The following PCDH19 variants were observed in gnomAD, a reference collection of about 807,000 sequenced individuals.
PCDH19 encodes protocadherin 19.
In PCDH19, 6 loss-of-function variants were observed where a neutral mutation model predicts 46.2. That is an observed-to-expected ratio of 0.13 (90% CI 0.07 to 0.26). The LOEUF is 0.26. Among genes scored for constraint, PCDH19 ranks in the 10% least tolerant of loss-of-function variants. The pLI is 1.00. For synonymous variants in PCDH19, 481 were observed against 415.7 expected (o/e 1.16, Z -1.91); for missense variants, 740 against 972.3 (o/e 0.76, Z 3.18).
rs138260442 is a variant in PCDH19 at position 100,362,149 on chromosome X, A to G, written c.2617-11445T>C. ...TTGATGTGTCCTTTCCTTTCCCCAC[A>G]TTGTTCTCAGCTTCCTCCCTCCACA... is the stretch of plus-strand genomic sequence containing the variant. On this transcript the variant is annotated intron_variant, in intron 3 of 5. Coordinates refer to ENST00000373034, the MANE Select transcript of PCDH19 (RefSeq NM_001184880.2). Among the ~76,000 whole-genome samples, 30 of 111,260 alleles carry G rather than the reference A, an allele frequency of 2.7e-4. 1 individual carries two copies. In the East Asian group the frequency reaches 8.5e-3, roughly 32 times the overall value.
At chrX:100,363,744 A>ATATATATTTT in intron 3 of PCDH19, among the ~76,000 whole-genome samples, 1 of 99,720 alleles carries the variant, frequency 1.0e-5, no homozygotes, top group Admixed American at 1.2e-4. Flanking sequence ...ATATATAAAT[A>ATATATATTTT]ATATATATAT....
chrX:100,361,648 C>A (rs1926885749), intron 3 of PCDH19, among the ~76,000 whole-genome samples: 1 of 111,794 alleles, frequency 8.9e-6, no homozygotes, highest in South Asian at 3.7e-4. Flanking sequence ...CCCCTGCTGC[C>A]TTTATGAGCT....
At position 100,327,944 on chromosome X, in the gene PCDH19, C is replaced by A. The variant is rs761680658; in HGVS notation, c.2848+13959G>T. On this transcript the variant is annotated intron_variant, in intron 5 of 5. Coordinates refer to ENST00000373034, the MANE Select transcript of PCDH19 (RefSeq NM_001184880.2). ...TGATGACAATGAAAACTTAAGATAC[C>A]AAAGGGGCTCCAGGTAATGCTGCAA... Among the ~76,000 whole-genome samples, 4 of 111,458 alleles carry A rather than the reference C, an allele frequency of 3.6e-5. No homozygotes were observed. In the South Asian group the frequency reaches 1.5e-3, roughly 42 times the overall value.
intron 5 of PCDH19, among the ~76,000 whole-genome samples, chrX:100,323,095 G>A (rs1925572038): frequency 9.2e-6 from 1 of 109,022 alleles, no homozygotes; most frequent in African/African-American, 3.4e-5. Context: ...TTTGGTCAAT[G>A]GAATTACCAG....
intron 5 of PCDH19, among the ~76,000 whole-genome samples, chrX:100,310,127 C>G (rs1482378640): frequency 1.8e-5 from 2 of 111,958 alleles, no homozygotes; most frequent in African/African-American, 3.2e-5. Context: ...TAGTGCTGAG[C>G]TGGTCAAACA....
rs1045747411 is a variant in PCDH19, at chrX:100,330,524, T to G, written c.2848+11379A>C. ...AGAGTATCAAGTTTCTCCAAATTATTAGAGTACTGTATGTTTACAGATTTC... is the reference window on the plus strand; with the variant it reads ...AGAGTATCAAGTTTCTCCAAATTATGAGAGTACTGTATGTTTACAGATTTC... On this transcript the variant is annotated intron_variant, in intron 5 of 5. Transcript: ENST00000373034. Among the ~76,000 whole-genome samples the G allele has an allele frequency of 2.7e-5, 3 of 112,540 alleles. No individual in the cohort carries two copies. The East Asian group carries it at 8.4e-4, about 31-fold the overall frequency.
intron 5 of PCDH19, among the ~76,000 whole-genome samples, chrX:100,327,125 A>AT (rs1007522026): frequency 3.6e-5 from 4 of 111,989 alleles, no homozygotes; most frequent in African/African-American, 1.3e-4. Context: ...AAGCAAACAG[A>AT]TGAGGGGCTT....
intron 3 of PCDH19, among the ~76,000 whole-genome samples, chrX:100,379,888 A>G (rs767117428): frequency 9.0e-6 from 1 of 111,594 alleles, no homozygotes; most frequent in East Asian, 2.8e-4. Context: ...CACACCACCC[A>G]TTGACATTGG....
rs1218010340 is a variant in PCDH19 at position 100,360,714 on chromosome X, G to T, written c.2617-10010C>A. Among the ~76,000 whole-genome samples the T allele has an allele frequency of 5.4e-5, 6 of 111,779 alleles. No homozygotes were observed. The East Asian group carries it at 1.7e-3, about 31-fold the overall frequency. On this transcript the variant is annotated intron_variant, in intron 3 of 5. Transcript: ENST00000373034. Reference sequence around the variant, plus strand: ...GACTGTAGTAAATAAAGGGCATTTGGCTCTGTTGAAATTATTAGGCACAGA... The same window carrying T: ...GACTGTAGTAAATAAAGGGCATTTGTCTCTGTTGAAATTATTAGGCACAGA...
intron 5 of PCDH19, among the ~76,000 whole-genome samples, chrX:100,320,410 C>A (rs1925438523): frequency 8.9e-6 from 1 of 111,882 alleles, no homozygotes; most frequent in Non-Finnish European, 1.9e-5. Flanking sequence ...TGAATCAGGG[C>A]TTTTCCCCTT....
At chrX:100,334,829 C>CAT (rs1342802002) in intron 5 of PCDH19, among the ~76,000 whole-genome samples, 3 of 84,862 alleles carry the variant, frequency 3.5e-5, no homozygotes, top group Admixed American at 1.5e-4. Flanking sequence ...TAGATATACA[C>CAT]ATATATATAC....
At chrX:100,342,580 G>A (rs1273854340) in intron 4 of PCDH19, among the ~76,000 whole-genome samples, 1 of 111,604 alleles carries the variant, frequency 9.0e-6, no homozygotes, top group Non-Finnish European at 1.9e-5. Context: ...GAGATAACTC[G>A]CCCAAGGTCA....
chrX:100,391,333 A>C (rs1927855997), intron 3 of PCDH19, among the ~76,000 whole-genome samples: 1 of 111,849 alleles, frequency 8.9e-6, no homozygotes, highest in South Asian at 3.8e-4. Flanking sequence ...AAATGAAGCA[A>C]GGTTAGAATA....
chrX:100,407,747 C>A lies in PCDH19; in HGVS notation c.851G>T (p.Arg284Leu), dbSNP rs749526030. ...VYSFYGYVND[R>L]TRELFQIDPH... ...GTCGATCTGAAAGAGCTCGCGCGTG[C>A]GGTCGTTGACGTAGCCATAGAAGGA... Residue 284 changes from arginine to leucine, a missense_variant, in exon 1 of 6, where the codon CGC becomes CTC. Arg to Leu is a moderately radical substitution (Grantham distance 102). Coordinates refer to ENST00000373034, the MANE Select transcript of PCDH19 (RefSeq NM_001184880.2). 8.2e-7 allele frequency: 1 copy of A among 1,212,125 alleles called. No homozygotes were observed. Among genetic ancestry groups the A allele is most frequent in the Non-Finnish European group, 1.1e-6 (1 of 895,565 alleles).
chrX:100,306,703 C>T (rs1020033425), intron 5 of PCDH19, among the ~76,000 whole-genome samples: 2 of 109,069 alleles, frequency 1.8e-5, no homozygotes, highest in Non-Finnish European at 3.8e-5. Context: ...TCCAAATAAG[C>T]TCAATCAGAA....
intron 5 of PCDH19, among the ~76,000 whole-genome samples, chrX:100,320,337 G>T (rs1925436283): frequency 8.9e-6 from 1 of 112,161 alleles, no homozygotes; most frequent in Admixed American, 9.5e-5. Flanking sequence ...CCCAAAGCGA[G>T]GAAGCAAGTT....
At chrX:100,316,918 A>G (rs960398873) in intron 5 of PCDH19, among the ~76,000 whole-genome samples, 1 of 112,054 alleles carries the variant, frequency 8.9e-6, no homozygotes, top group African/African-American at 3.2e-5. Flanking sequence ...TAGATATTTT[A>G]TTGGATTTTT....
intron 3 of PCDH19, among the ~76,000 whole-genome samples, chrX:100,399,637 C>T (rs1928122203): frequency 9.0e-6 from 1 of 111,281 alleles, no homozygotes; most frequent in Non-Finnish European, 1.9e-5. Context: ...GGCATTGTGA[C>T]TGATTCAGGT....
chrX:100,335,345 T>C (rs1240926816), intron 5 of PCDH19, among the ~76,000 whole-genome samples: 1 of 111,431 alleles, frequency 9.0e-6, no homozygotes, highest in Admixed American at 9.6e-5. Flanking sequence ...ACCAGCAAGG[T>C]AATTGGACAT....
Sources: allele counts gnomAD v4.1 joint callset (sites outside exome capture counted in the v4.1 genomes callset), GRCh38; gene constraint gnomAD v4.1.1; transcripts MANE v1.5; gene names NCBI Gene and HGNC (gene_info 2026-07-23, HGNC 2026-07-21).